PDE12: variants seen among roughly 807,000 people sequenced by gnomAD.
PDE12 encodes 2',5'-phosphodiesterase 12.
A neutral mutation model predicts 45.4 loss-of-function variants in PDE12; 26 were observed. The ratio of observed to expected loss-of-function variants is 0.57; its 90% CI spans 0.42 to 0.79. PDE12 has a LOEUF of 0.79. PDE12 is among the 30% of genes least tolerant of loss of function. PDE12 has a pLI of 0.00. For missense variants in PDE12, 668 were observed against 790.0 expected, an observed-to-expected ratio of 0.85 and a Z score of 1.85; for synonymous variants, 283 against 323.9, an observed-to-expected ratio of 0.87 and a Z score of 1.36.
At chr3:57,567,012 A>G (rs1302539143), downstream of PDE12, among the ~76,000 whole-genome samples, 4 of 152,128 alleles carry the variant, frequency 2.6e-5, no homozygotes, top group Admixed American at 6.6e-5. Context: ...TACATGCCCA[A>G]TAAAATTGAC....
chr3:57,641,927 G>A, the PDE12 span, among the ~76,000 whole-genome samples: 2 of 152,022 alleles, frequency 1.3e-5, no homozygotes, highest in Admixed American at 6.6e-5. Flanking sequence ...ATAAAAAGAC[G>A]AAAGGACACG....
At chr3:57,641,311 T>A in the PDE12 span, among the ~76,000 whole-genome samples, 1 of 144,062 alleles carries the variant, frequency 6.9e-6, no homozygotes, top group Non-Finnish European at 1.5e-5. Context: ...AAATATATAT[T>A]TATATTCAAT....
the PDE12 span, chr3:57,630,473 T>G: frequency 6.3e-7 from 1 of 1,596,220 alleles, no homozygotes; most frequent in South Asian, 1.2e-5. Context: ...GGTCATTTCC[T>G]TCCTCCGGGT....
the PDE12 span, among the ~76,000 whole-genome samples, chr3:57,629,506 GC>G: frequency 7.5e-6 from 1 of 132,648 alleles, no homozygotes; most frequent in Non-Finnish European, 1.6e-5. Context: ...AAATCAGTCC[GC>G]TTTTTTTTTT....
At position 57,561,726 on chromosome 3, in the gene PDE12, C is replaced by G. The variant is rs538793197; in HGVS notation, c.*1722C>G. The G allele has an allele frequency of 8.1e-6, 8 of 984,910 alleles. No homozygotes were observed. In the East Asian group the frequency reaches 9.1e-4, roughly 112 times the overall value. The allele number at this position is 984,910 out of a possible 1,614,324, so 61.0% of individuals were successfully genotyped here. A position where few individuals can be genotyped will look rare whatever the true frequency, so the allele number is the denominator to read the frequency against. ...AAGCCCTTGTTTCAAATTCTTTAAT[C>G]TCTGAACCTAGTATCATAAGAATTT... is the stretch of plus-strand genomic sequence containing the variant. On this transcript the variant is annotated 3_prime_UTR_variant, in exon 3 of 3. Coordinates refer to ENST00000311180, the MANE Select transcript of PDE12 (RefSeq NM_177966.7).
the PDE12 span, among the ~76,000 whole-genome samples, chr3:57,614,523 G>GTTTTTTTTGTTTTGTT: frequency 1.5e-5 from 2 of 132,028 alleles, no homozygotes; most frequent in Non-Finnish European, 1.6e-5. Context: ...CCTGTAATCC[G>GTTTTTTTTGTTTTGTT]TTTTTTTTTT....
the PDE12 span, among the ~76,000 whole-genome samples, chr3:57,590,634 A>G: frequency 6.6e-6 from 1 of 152,144 alleles, no homozygotes; most frequent in East Asian, 1.9e-4. Context: ...ATTATCTACA[A>G]GTTTGAAATA....
the PDE12 span, among the ~76,000 whole-genome samples, chr3:57,624,372 G>A: frequency 4.0e-5 from 6 of 151,852 alleles, no homozygotes; most frequent in African/African-American, 1.2e-4. Context: ...GGATGGTCTC[G>A]ATCTCCTGAC....
At chr3:57,606,144 C>A in the PDE12 span, among the ~76,000 whole-genome samples, 1 of 151,994 alleles carries the variant, frequency 6.6e-6, no homozygotes, top group Non-Finnish European at 1.5e-5. Flanking sequence ...TTTACTAAGT[C>A]CAAGCACAAG....
At chr3:57,632,809 C>T in the PDE12 span, among the ~76,000 whole-genome samples, 1 of 152,030 alleles carries the variant, frequency 6.6e-6, no homozygotes, top group African/African-American at 2.4e-5. Context: ...GCCAGTCTGA[C>T]GAATTAATAA....
At chr3:57,632,902 A>G in the PDE12 span, among the ~76,000 whole-genome samples, 1 of 152,260 alleles carries the variant, frequency 6.6e-6, no homozygotes, top group African/African-American at 2.4e-5. Context: ...GATAAGTATC[A>G]GAAAGAAGCT....
the PDE12 span, among the ~76,000 whole-genome samples, chr3:57,573,614 A>G: frequency 1.3e-5 from 2 of 152,100 alleles, no homozygotes; most frequent in Admixed American, 1.3e-4. Flanking sequence ...CAGAGTACTC[A>G]CTCTTGCCCA....
chr3:57,577,901 A>C, the PDE12 span, among the ~76,000 whole-genome samples: 1 of 152,000 alleles, frequency 6.6e-6, no homozygotes, highest in Admixed American at 6.6e-5. Context: ...AAAAAAATAC[A>C]AAAATTAGCC....
At chr3:57,582,036 AT>A in the PDE12 span, among the ~76,000 whole-genome samples, 2 of 152,326 alleles carry the variant, frequency 1.3e-5, no homozygotes, top group East Asian at 3.9e-4. Flanking sequence ...GGATTTCTGG[AT>A]TTAGAATGCT....
chr3:57,642,174 C>T, the PDE12 span, among the ~76,000 whole-genome samples: 12 of 151,742 alleles, frequency 7.9e-5, no homozygotes, highest in African/African-American at 1.7e-4. Context: ...ATTAGCTGGG[C>T]GTACTGGTGG....
Position 57,562,269 on chromosome 3 carries a change from A to C in PDE12, c.*2265A>C, listed in dbSNP as rs1011065785. On this transcript the variant is annotated 3_prime_UTR_variant, in exon 3 of 3. Coordinates refer to ENST00000311180, the MANE Select transcript of PDE12 (RefSeq NM_177966.7). ...TAGTCAGAAAAACTCAGCACTTAAC[A>C]GACATTCCATGTCCTATATCCTTAA... The C allele has an allele frequency of 1.9e-5, 4 of 212,112 alleles. No homozygotes were observed. The highest frequency in any genetic ancestry group is 4.7e-5 in the African/African-American group (2 of 42,482). 13.1% of individuals were successfully genotyped at this position (212,112 alleles called of 1,614,324 possible).
the PDE12 span, among the ~76,000 whole-genome samples, chr3:57,602,613 C>G: frequency 6.6e-6 from 1 of 152,122 alleles, no homozygotes; most frequent in East Asian, 1.9e-4. Context: ...CTCTGCTGCC[C>G]AGGCTGGAAT....
In PDE12 at chr3:57,565,381, A is replaced by G. The variant is rs1014424076; in HGVS notation, c.*5377A>G. The G allele has an allele frequency of 2.6e-5, 4 of 152,230 alleles. No homozygotes were observed. The highest frequency in any genetic ancestry group is 4.8e-5 in the African/African-American group (2 of 41,462). 9.4% of individuals were successfully genotyped at this position (152,230 alleles called of 1,614,324 possible). On this transcript the variant is annotated 3_prime_UTR_variant, in exon 3 of 3. Coordinates refer to ENST00000311180, the MANE Select transcript of PDE12 (RefSeq NM_177966.7). ...CATTTTATGGGTACATAGTAGGTGT[A>G]TATATTTATGTGGGACATATTTCTT...
chr3:57,600,048 A>C, the PDE12 span: 4 of 151,670 alleles, frequency 2.6e-5, no homozygotes, highest in African/African-American at 7.3e-5. Context: ...TTATTTATTT[A>C]TTTGAGACAG....
Sources: gnomAD v4.1 joint callset for allele counts (sites outside exome capture counted in the v4.1 genomes callset) on GRCh38, gnomAD v4.1.1 for gene constraint, MANE v1.5 for transcripts, NCBI Gene and HGNC (gene_info 2026-07-23, HGNC 2026-07-21) for gene names.